The following SPG11 variants were observed in gnomAD, a reference collection of about 807,000 sequenced individuals.
The protein encoded by SPG11 is spatacsin.
A neutral mutation model predicts 274.0 loss-of-function variants in SPG11; 222 were observed. The observed-to-expected ratio is 0.81, with a 90% CI of 0.73 to 0.91. SPG11 has a LOEUF of 0.91. SPG11 is among the 40% of genes least tolerant of loss of function. SPG11 has a pLI of 0.00. For synonymous variants in SPG11, 1,144 were observed against 1,039.7 expected (o/e 1.10, Z -1.93); for missense variants, 3,114 against 2,872.7 (o/e 1.08, Z -1.92).
intron 32 of SPG11, among the ~76,000 whole-genome samples, 160 bp from the exon 33 acceptor site, chr15:44,572,980 CTTTTTTTTTT>C (rs974510197): frequency 1.2e-5 from 1 of 83,302 alleles, no homozygotes; most frequent in African/African-American, 5.1e-5. Context: ...GACAGGAGTT[CTTTTTTTTTT>C]TTTTTTTTTT....
chr15:44,566,037 T>C, intron 37 of SPG11, 28 bp from the exon 38 acceptor site: 1 of 1,612,880 alleles, frequency 6.2e-7, no homozygotes, highest in Non-Finnish European at 8.5e-7. Flanking sequence ...AGAGGCACAG[T>C]AGAGAAAGAC....
Position 44,569,443 on chromosome 15 carries a change from A to G in SPG11, c.6540T>C (p.His2180=). The G allele has an allele frequency of 6.2e-7, 1 of 1,607,098 alleles. No individual in the cohort carries two copies. Among genetic ancestry groups the G allele is most frequent in the Non-Finnish European group, 8.5e-7 (1 of 1,176,232 alleles). The change falls in exon 35 of 40, where the codon CAT becomes CAC. Residue 2180 remains histidine (H), a synonymous_variant. Transcript: ENST00000261866. ...TTAGCACTTCAAAGTAGTGCTTTTT[A>G]TGCAGCAAATCAAATATGTATGTCA... The part of the protein sequence containing the change: ...NEMTYIFDLL[H]KKHYFEVLMR...
chr15:44,568,450 G>C (rs761886179), intron 35 of SPG11, among the ~76,000 whole-genome samples: 1 of 152,086 alleles, frequency 6.6e-6, no homozygotes, highest in Non-Finnish European at 1.5e-5. Context: ...GCCTGGCTGG[G>C]CCCATGTTCC....
chr15:44,569,246 A>G, intron 35 of SPG11, 152 bp downstream of exon 35: 1 of 687,412 alleles, frequency 1.5e-6, no homozygotes, highest in Non-Finnish European at 2.6e-6. Context: ...ATCTGAAGCC[A>G]CTGGTGACAG....
chr15:44,589,601 A>C (rs913839864), intron 27 of SPG11, among the ~76,000 whole-genome samples, 187 bp from the exon 28 acceptor site: 1 of 152,206 alleles, frequency 6.6e-6, no homozygotes, highest in Non-Finnish European at 1.5e-5. Flanking sequence ...TGGCAAAAAC[A>C]AGCCCTCCTC....
chr15:44,569,532 C>A, intron 34 of SPG11, 27 bp from the exon 35 acceptor site: 1 of 1,520,954 alleles, frequency 6.6e-7, no homozygotes, highest in South Asian at 1.2e-5. Context: ...CAGCTCGCAT[C>A]AGCATCACCT....
At position 44,596,347 on chromosome 15, in the gene SPG11, G is replaced by A. The variant is rs200884254; in HGVS notation, c.4170C>T (p.Ser1390=). 1 of 1,613,976 alleles carries A rather than the reference G, an allele frequency of 6.2e-7. No individual in the cohort carries two copies. The highest frequency in any genetic ancestry group is 2.2e-5 in the East Asian group (1 of 44,866). ...LHNYHPAEVK[S]LIQYFSPVIQ... ...TGACTGGGCTGAAGTACTGGATAAGGGATTTCACCTAGAAGGCATATCAGA... is the reference window on the plus strand; with the variant it reads ...TGACTGGGCTGAAGTACTGGATAAGAGATTTCACCTAGAAGGCATATCAGA... Residue 1390 remains serine, a synonymous_variant, in exon 25 of 40, where the codon TCC becomes TCT. Transcript: ENST00000261866.
At chr15:44,655,575 T>C (rs2084916763) in intron 4 of SPG11, among the ~76,000 whole-genome samples, 1 of 152,252 alleles carries the variant, frequency 6.6e-6, no homozygotes, top group African/African-American at 2.4e-5. Context: ...CCTTAAAATT[T>C]TCTTAACATT....
At chr15:44,589,524 G>T in intron 27 of SPG11, 110 bp from the exon 28 acceptor site, 1 of 1,317,760 alleles carries the variant, frequency 7.6e-7, no homozygotes, top group Admixed American at 1.9e-5. Context: ...AAAAGCCATC[G>T]CCTGTCATGA....
chr15:44,638,581 G>A (rs1265727926), intron 7 of SPG11, among the ~76,000 whole-genome samples: 3 of 149,128 alleles, frequency 2.0e-5, no homozygotes, highest in Non-Finnish European at 2.9e-5. Flanking sequence ...TCCTAGGATA[G>A]CTTCTTAAAG....
intron 8 of SPG11, 128 bp from the exon 9 acceptor site, chr15:44,629,516 G>A: frequency 9.1e-7 from 1 of 1,102,104 alleles, no homozygotes; most frequent in Non-Finnish European, 1.3e-6. Context: ...TTTTCAAAAA[G>A]CTCACAAAAC....
intron 7 of SPG11, among the ~76,000 whole-genome samples, chr15:44,637,922 G>C (rs1172681207): frequency 6.6e-6 from 1 of 152,136 alleles, no homozygotes; most frequent in African/African-American, 2.4e-5. Context: ...ATTGTCTTGT[G>C]GGACAAGATG....
At position 44,649,855 on chromosome 15, in the gene SPG11, T is replaced by C. The variant is rs140856194; in HGVS notation, c.1457-844A>G. Among the ~76,000 whole-genome samples the C allele has an allele frequency of 7.0e-3, 1,054 of 151,262 alleles. 13 individuals are homozygous for C. The highest frequency in any genetic ancestry group is 0.024 in the African/African-American group (978 of 41,196). On this transcript the variant is annotated intron_variant, in intron 6 of 39. Transcript: ENST00000261866. Reference sequence around the variant, plus strand: ...GGTTGCAGTGAGCCAGATCACACCATTGCACTCCAGCCAGGGAGACAAGAG... The same window carrying C: ...GGTTGCAGTGAGCCAGATCACACCACTGCACTCCAGCCAGGGAGACAAGAG...
chr15:44,608,308 G>A, intron 19 of SPG11, 136 bp downstream of exon 19: 7 of 930,958 alleles, frequency 7.5e-6, no homozygotes, highest in Non-Finnish European at 1.0e-5. Context: ...TATCACATTT[G>A]GTTTCCCCAT....
Position 44,589,419 on chromosome 15 carries a change from G to A in SPG11, c.4744-5C>T. On this transcript the variant is annotated splice_polypyrimidine_tract_variant and splice_region_variant and intron_variant, in intron 27 of 39. Transcript: ENST00000261866. ...CTTTGTGGCTGCTGTGTTAAGCTAT[G>A]AAAGAAAAAGAGAAGCTTAGGGAAA... 1 of 1,613,992 alleles carries A rather than the reference G, an allele frequency of 6.2e-7. No homozygotes were observed. Among genetic ancestry groups the A allele is most frequent in the South Asian group, 1.1e-5 (1 of 91,076 alleles).
chr15:44,615,655 T>C (rs544354820), intron 15 of SPG11, 89 bp from the exon 16 acceptor site: 1 of 1,127,074 alleles, frequency 8.9e-7, no homozygotes, highest in East Asian at 2.4e-5. Flanking sequence ...CTCAATTACT[T>C]AAAAATAAGC....
chr15:44,615,614 G>C, intron 15 of SPG11, 48 bp from the exon 16 acceptor site: 1 of 1,546,826 alleles, frequency 6.5e-7, no homozygotes, highest in Non-Finnish European at 8.9e-7. Context: ...GCTATGTTCA[G>C]AGTAGACCAA....
chr15:44,569,570 A>G (rs2082376132), intron 34 of SPG11, 65 bp from the exon 35 acceptor site: 1 of 1,250,628 alleles, frequency 8.0e-7, no homozygotes, highest in Non-Finnish European at 1.1e-6. Context: ...GAGCCAGACA[A>G]CTACCATCAG....
At chr15:44,638,418 C>T (rs2084341315) in intron 7 of SPG11, among the ~76,000 whole-genome samples, 1 of 151,972 alleles carries the variant, frequency 6.6e-6, no homozygotes. Context: ...CAAGATCGTG[C>T]CACCTGCACT....
Sources: allele counts gnomAD v4.1 joint callset (sites outside exome capture counted in the v4.1 genomes callset), GRCh38; gene constraint gnomAD v4.1.1; transcripts MANE v1.5; gene names NCBI Gene and HGNC (gene_info 2026-07-23, HGNC 2026-07-21).